PIBF1: variants seen among roughly 807,000 people sequenced by gnomAD.
The protein encoded by PIBF1 is progesterone immunomodulatory binding factor 1.
In PIBF1, 90 loss-of-function variants were observed where a neutral mutation model predicts 112.5. That is an observed-to-expected ratio of 0.80 (90% CI 0.67 to 0.95). The LOEUF is 0.95. Among genes scored for constraint, PIBF1 ranks in the 40% least tolerant of loss-of-function variants. The probability of loss-of-function intolerance (pLI) is 0.00; values close to 1 mark genes in which losing one functional copy is unlikely to be tolerated. For missense variants in PIBF1, 915 were observed against 852.3 expected (o/e 1.07, Z -0.92); for synonymous variants, 301 against 288.6 (o/e 1.04, Z -0.44).
At chr13:72,803,178 G>A (rs1408217348) in intron 5 of PIBF1, among the ~76,000 whole-genome samples, 2 of 152,072 alleles carry the variant, frequency 1.3e-5, no homozygotes, top group African/African-American at 4.8e-5. Context: ...CTACTGTATA[G>A]AGGAACAAAG....
intron 17 of PIBF1, among the ~76,000 whole-genome samples, chr13:73,002,455 T>A (rs1320232958): frequency 1.3e-5 from 2 of 152,164 alleles, no homozygotes; most frequent in East Asian, 3.9e-4. Context: ...CCAGCCTCAC[T>A]TATCTCTTTC....
intron 9 of PIBF1, among the ~76,000 whole-genome samples, chr13:72,844,125 A>G (rs758056764): frequency 6.6e-6 from 1 of 152,216 alleles, no homozygotes; most frequent in Non-Finnish European, 1.5e-5. Context: ...TATGAAGTTT[A>G]GGTATTAATA....
intron 11 of PIBF1, among the ~76,000 whole-genome samples, chr13:72,899,347 T>C (rs2040399730): frequency 6.6e-6 from 1 of 152,170 alleles, no homozygotes; most frequent in African/African-American, 2.4e-5. Flanking sequence ...CTGATATCTT[T>C]GATGAACATA....
chr13:72,873,590 C>T (rs1175869146), intron 10 of PIBF1, among the ~76,000 whole-genome samples: 3 of 151,872 alleles, frequency 2.0e-5, no homozygotes, highest in Non-Finnish European at 4.4e-5. Context: ...TTAGTAGAGG[C>T]GAGGTTTCAC....
At chr13:72,795,228 AG>A (rs2035131235) in intron 3 of PIBF1, 130 bp from the exon 4 acceptor site, 3 of 637,640 alleles carry the variant, frequency 4.7e-6, no homozygotes, top group Non-Finnish European at 8.3e-6. Context: ...ATAAGTATTT[AG>A]CTGGAGTAAG....
chr13:72,944,446 T>TA (rs34333031), intron 14 of PIBF1, among the ~76,000 whole-genome samples: 138,645 of 141,742 alleles, frequency 0.98, 67,840 homozygotes, highest in Middle Eastern at 1. Context: ...CAAGACTGTC[T>TA]AAAAAAAAAA....
intron 10 of PIBF1, among the ~76,000 whole-genome samples, chr13:72,857,340 A>C (rs943419433): frequency 1.3e-5 from 2 of 152,274 alleles, no homozygotes; most frequent in African/African-American, 4.8e-5. Context: ...AGGCCTTTGC[A>C]ACTTAGGAGT....
At position 72,970,456 on chromosome 13, in the gene PIBF1, T is replaced by G. The variant is rs989071298; in HGVS notation, c.1965-3135T>G. 5.9e-5 allele frequency: 9 copies of G among 152,202 alleles called. No homozygotes were observed. The East Asian group carries it at 9.6e-4, about 16-fold the overall frequency. The allele number at this position is 152,202 out of a possible 1,614,324, so 9.4% of individuals were successfully genotyped here. On this transcript the variant is annotated intron_variant, in intron 15 of 17. Coordinates refer to ENST00000326291, the MANE Select transcript of PIBF1 (RefSeq NM_006346.4). ...TTTATTCTTAACTGGTAGTTAAAGA[T>G]AAGACTACATTGCCAACTTCCCTTA...
intron 9 of PIBF1, among the ~76,000 whole-genome samples, chr13:72,835,749 C>T (rs149685832): frequency 6.6e-6 from 1 of 152,282 alleles, no homozygotes; most frequent in East Asian, 1.9e-4. Flanking sequence ...TTCAAATATA[C>T]ATATGCCTCA....
At chr13:72,906,889 C>T (rs1313916372) in intron 11 of PIBF1, among the ~76,000 whole-genome samples, 1 of 151,876 alleles carries the variant, frequency 6.6e-6, no homozygotes, top group Non-Finnish European at 1.5e-5. Context: ...TACTGATTCT[C>T]TCTTTTGACA....
chr13:72,877,084 A>C (rs113214429), intron 10 of PIBF1, among the ~76,000 whole-genome samples: 11 of 152,140 alleles, frequency 7.2e-5, no homozygotes, highest in Admixed American at 2.0e-4. Flanking sequence ...AGTTTGTATC[A>C]TCAGTAGATG....
intron 9 of PIBF1, chr13:72,836,001 A>C (rs796616580): frequency 1.0e-4 from 36 of 355,908 alleles, no homozygotes; most frequent in East Asian, 9.1e-4. Context: ...CGGGAGGCTG[A>C]GGCAGGAGAA....
At chr13:72,801,640 T>C (rs2035480448) in intron 5 of PIBF1, among the ~76,000 whole-genome samples, 1 of 152,242 alleles carries the variant, frequency 6.6e-6, no homozygotes, top group Admixed American at 6.5e-5. Context: ...GCTATTCTGG[T>C]AAACTCAAGT....
chr13:72,943,699 T>C (rs1201665219), intron 14 of PIBF1, among the ~76,000 whole-genome samples: 1 of 152,228 alleles, frequency 6.6e-6, no homozygotes, highest in Non-Finnish European at 1.5e-5. Context: ...ACCACTTTGT[T>C]ACCTTCGTAC....
At chr13:73,003,800 C>G (rs765845965) in intron 17 of PIBF1, among the ~76,000 whole-genome samples, 13 of 152,074 alleles carry the variant, frequency 8.5e-5, no homozygotes, top group Non-Finnish European at 1.8e-4. Flanking sequence ...GCCTCAATCT[C>G]CCAGGCTCAA....
intron 11 of PIBF1, among the ~76,000 whole-genome samples, chr13:72,903,174 C>T (rs1209853235): frequency 6.6e-6 from 1 of 152,166 alleles, no homozygotes; most frequent in African/African-American, 2.4e-5. Context: ...GCTAGGATTA[C>T]AGGCGTGAGC....
At chr13:72,981,515 T>G (rs1249042190) in intron 16 of PIBF1, among the ~76,000 whole-genome samples, 2 of 152,102 alleles carry the variant, frequency 1.3e-5, no homozygotes, top group Non-Finnish European at 2.9e-5. Flanking sequence ...TATGTGAAAA[T>G]AGAAGTAAGT....
chr13:72,795,291 G>A (rs1199665614), intron 3 of PIBF1, 68 bp from the exon 4 acceptor site: 1 of 962,798 alleles, frequency 1.0e-6, no homozygotes, highest in Admixed American at 2.4e-5. Context: ...GATATAAATA[G>A]GAAACTGTGA....
chr13:72,854,160 G>A lies in PIBF1; in HGVS notation c.1322+5G>A, dbSNP rs945616052. 4 of 1,563,594 alleles carry A rather than the reference G, an allele frequency of 2.6e-6. No individual in the cohort carries two copies. Among genetic ancestry groups the A allele is most frequent in the South Asian group, 1.1e-5 (1 of 89,418 alleles). Reference sequence around the variant, plus strand: ...ACACGATCAGCTCTTAGACAGGTAAGCATCATAAAAATAGAAATGTTAAAA... The same window carrying A: ...ACACGATCAGCTCTTAGACAGGTAAACATCATAAAAATAGAAATGTTAAAA... On this transcript the variant is annotated splice_donor_5th_base_variant and intron_variant, in intron 10 of 17. Transcript: ENST00000326291.
Sources: allele counts gnomAD v4.1 joint callset (sites outside exome capture counted in the v4.1 genomes callset), GRCh38; gene constraint gnomAD v4.1.1; transcripts MANE v1.5; gene names NCBI Gene and HGNC (gene_info 2026-07-23, HGNC 2026-07-21).